The following GRK1 variants were observed in gnomAD, a reference collection of about 807,000 sequenced individuals.
GRK1 encodes the protein rhodopsin kinase GRK1.
GRK1 carries 28 observed loss-of-function variants against 41.7 expected under a neutral mutation model. The observed-to-expected ratio is 0.67, with a 90% confidence interval of 0.50 to 0.92. GRK1 has a LOEUF of 0.92. Among genes scored for constraint, GRK1 ranks in the 40% least tolerant of loss-of-function variants. The pLI, the probability that GRK1 is intolerant of heterozygous loss-of-function variation, is 0.00. For synonymous variants in GRK1, 327 were observed against 286.7 expected (o/e 1.14, Z -1.42); for missense variants, 703 against 671.2 (o/e 1.05, Z -0.52).
chr13:113,653,001 G>A, the GRK1 span: 48 of 1,614,028 alleles, frequency 3.0e-5, no homozygotes, highest in Admixed American at 3.2e-4. Flanking sequence ...TTGGGAGCGC[G>A]GAAACTCTCC....
chr13:113,653,515 C>T, the GRK1 span: 147 of 1,313,122 alleles, frequency 1.1e-4, no homozygotes, highest in African/African-American at 2.6e-4. Flanking sequence ...GCTGAGGATA[C>T]GCCAGAGGCG....
chr13:113,668,224 C>T lies in GRK1; in HGVS notation c.699+139C>T, dbSNP rs1291330560. 3.8e-5 allele frequency: 35 copies of T among 916,526 alleles called. No individual in the cohort carries two copies. In the Admixed American group the frequency reaches 5.9e-4, roughly 15 times the overall value. 56.8% of individuals were successfully genotyped at this position (916,526 alleles called of 1,614,324 possible). ...CCTAAGGGAGCATGCATGCCAGCCT[C>T]GCCACGTGGGCGCCCCGCGGCCGTG... On this transcript the variant is annotated intron_variant, in intron 1 of 6. Transcript: ENST00000335678.
chr13:113,658,018 G>A, the GRK1 span: 243 of 1,582,930 alleles, frequency 1.5e-4, no homozygotes, highest in African/African-American at 2.4e-3. Context: ...CAGCCGGCCC[G>A]CCCCCCGCAC....
chr13:113,654,187 T>C, the GRK1 span, among the ~76,000 whole-genome samples: 4 of 152,200 alleles, frequency 2.6e-5, no homozygotes, highest in Non-Finnish European at 5.9e-5. Context: ...TGAGGCTAGG[T>C]GTTGCTGTTT....
chr13:113,656,852 A>C, the GRK1 span, among the ~76,000 whole-genome samples: 5 of 152,052 alleles, frequency 3.3e-5, no homozygotes, highest in Non-Finnish European at 7.4e-5. Flanking sequence ...AGAATGGCCC[A>C]AAAGATGGGG....
At chr13:113,672,207 T>C (rs2140720790) in intron 3 of GRK1, among the ~76,000 whole-genome samples, 1 of 151,318 alleles carries the variant, frequency 6.6e-6, no homozygotes, top group Admixed American at 6.6e-5. Context: ...GTGTGTGTTG[T>C]GTGTGGTGTG....
chr13:113,651,798 A>G, the GRK1 span: 114 of 1,560,320 alleles, frequency 7.3e-5, no homozygotes, highest in Middle Eastern at 3.4e-4. Context: ...GCACCCACCC[A>G]TGGAGCTGAG....
At chr13:113,733,981 T>TGC (rs2049979586) in intron 6 of GRK1, among the ~76,000 whole-genome samples, 3 of 137,234 alleles carry the variant, frequency 2.2e-5, no homozygotes, top group Non-Finnish European at 4.7e-5. Flanking sequence ...TGTGTGCGCA[T>TGC]GTGTGTGCAT....
chr13:113,653,211 C>T, the GRK1 span: 10 of 1,386,168 alleles, frequency 7.2e-6, no homozygotes, highest in Admixed American at 7.9e-5. Context: ...TTTCACACCT[C>T]ACCTGCTGCT....
chr13:113,734,009 CGTGCATGTGTGTGCGTGCGT>C (rs1566700598), intron 6 of GRK1, among the ~76,000 whole-genome samples: 2 of 72,800 alleles, frequency 2.7e-5, no homozygotes, highest in Non-Finnish European at 5.3e-5. Flanking sequence ...TGTGCGTGTG[CGTGCATGTGTGTGCGTGCGT>C]GTGCGTATGT....
chr13:113,651,640 G>T, the GRK1 span: 1 of 1,571,870 alleles, frequency 6.4e-7, no homozygotes, highest in Non-Finnish European at 8.6e-7. Context: ...CTTTCCTGGG[G>T]CAGCCCTGCC....
intron 6 of GRK1, among the ~76,000 whole-genome samples, chr13:113,733,711 GCGCA>G (rs1335511863): frequency 1.4e-5 from 2 of 140,920 alleles, no homozygotes; most frequent in African/African-American, 5.4e-5. Context: ...GTGCGTGTGT[GCGCA>G]CGTGTGTGTG....
intron 5 of GRK1, 101 bp from the exon 6 acceptor site, chr13:113,732,783 C>A (rs1453006178): frequency 1.5e-6 from 2 of 1,299,250 alleles, no homozygotes; most frequent in Non-Finnish European, 2.1e-6. Context: ...GTCCCCCACC[C>A]GCGTGGGTGA....
In GRK1 at chr13:113,671,463, AC is replaced by A. The variant is rs761804377; in HGVS notation, c.828-33del. On this transcript the variant is annotated intron_variant, in intron 2 of 6. Coordinates refer to ENST00000335678, the MANE Select transcript of GRK1 (RefSeq NM_002929.3). The surrounding 1 kb of genome is among the most constrained non-coding windows in gnomAD (Gnocchi z 4.1). ...TTTCCATGATTTTACTCCCCATTAA[AC>A]CCGGGGTGCATGGTTCCCACGTGTC... 1.7e-5 allele frequency: 13 copies of A among 776,140 alleles called. No homozygotes were observed. The Middle Eastern group carries it at 6.8e-4, about 40-fold the overall frequency. 48.1% of individuals were successfully genotyped at this position (776,140 alleles called of 1,614,324 possible). A position where few individuals can be genotyped will look rare whatever the true frequency, so the allele number is the denominator to read the frequency against.
chr13:113,672,071 C>G (rs1311518689), intron 3 of GRK1, among the ~76,000 whole-genome samples: 1 of 149,532 alleles, frequency 6.7e-6, no homozygotes, highest in African/African-American at 2.5e-5. Flanking sequence ...GTGGGCAACA[C>G]TCACGCTCAG....
At chr13:113,727,901 GCAA>G (rs2049901413) in intron 4 of GRK1, among the ~76,000 whole-genome samples, 2 of 80,534 alleles carry the variant, frequency 2.5e-5, no homozygotes, top group African/African-American at 4.2e-5. Context: ...AGTACCCATG[GCAA>G]TGAGGAGTAC....
the GRK1 span, chr13:113,653,147 A>G: frequency 6.5e-7 from 1 of 1,529,372 alleles, no homozygotes; most frequent in African/African-American, 1.4e-5. Flanking sequence ...AAGGCCTTGC[A>G]AGCCCTGAGT....
chr13:113,649,196 C>A, the GRK1 span: 1 of 587,960 alleles, frequency 1.7e-6, no homozygotes, highest in South Asian at 2.5e-5. The surrounding 1 kb of genome is among the most constrained non-coding windows in gnomAD (Gnocchi z 4.7). Context: ...AGAACTGATA[C>A]TCGCGAGCAG....
chr13:113,734,742 G>C (rs1381767235), intron 6 of GRK1: 2 of 226,408 alleles, frequency 8.8e-6, no homozygotes, highest in Non-Finnish European at 1.7e-5. Context: ...TCGGGGAGGA[G>C]ACCGCTTCAT....
Sources: allele counts gnomAD v4.1 joint callset (sites outside exome capture counted in the v4.1 genomes callset), GRCh38; gene constraint gnomAD v4.1.1; non-coding constraint Gnocchi (gnomAD v3.1); transcripts MANE v1.5; gene names NCBI Gene and HGNC (gene_info 2026-07-23, HGNC 2026-07-21).